The following CACNA2D3 variants were observed in gnomAD, a reference collection of about 807,000 sequenced individuals.
CACNA2D3 encodes voltage-dependent calcium channel subunit alpha-2/delta-3.
A neutral mutation model predicts 160.6 loss-of-function variants in CACNA2D3; 60 were observed. That is an observed-to-expected ratio of 0.37 (90% CI 0.30 to 0.46). The LOEUF (loss-of-function observed/expected upper bound fraction) is 0.46, where lower values mean the gene tolerates loss of function less well. CACNA2D3 is among the 20% of genes least tolerant of loss of function. The pLI is 1.00. For synonymous variants in CACNA2D3, 558 were observed against 492.9 expected, an observed-to-expected ratio of 1.13 and a Z score of -1.75; for missense variants, 1,205 against 1,365.0, an observed-to-expected ratio of 0.88 and a Z score of 1.85.
chr3:54,634,386 A>G (rs1211787380), intron 10 of CACNA2D3: 1 of 152,126 alleles, frequency 6.6e-6, no homozygotes, highest in Non-Finnish European at 1.5e-5. Flanking sequence ...CCCATTTCTT[A>G]TCCTTCTTTG....
intron 13 of CACNA2D3, among the ~76,000 whole-genome samples, chr3:54,771,948 GAGA>G (rs1173021041): frequency 6.6e-6 from 1 of 152,028 alleles, no homozygotes; most frequent in Non-Finnish European, 1.5e-5. Context: ...AAACTGTCAA[GAGA>G]AGGTTTTAGG....
At chr3:54,377,281 G>A (rs369356423) in intron 3 of CACNA2D3, among the ~76,000 whole-genome samples, 16 of 152,278 alleles carry the variant, frequency 1.1e-4, no homozygotes, top group African/African-American at 3.6e-4. Context: ...CTGAAAACCC[G>A]CCCTTAAGGA....
intron 4 of CACNA2D3, among the ~76,000 whole-genome samples, chr3:54,400,441 C>T (rs895257198): frequency 2.6e-5 from 4 of 152,070 alleles, no homozygotes; most frequent in African/African-American, 7.2e-5. Context: ...AGCACTGTTG[C>T]AGCTGCTTGA....
At chr3:54,787,429 G>A (rs1575475433) in intron 13 of CACNA2D3, among the ~76,000 whole-genome samples, 1 of 152,264 alleles carries the variant, frequency 6.6e-6, no homozygotes. Flanking sequence ...ACATGAAACT[G>A]GAAGGTAGCT....
intron 3 of CACNA2D3, among the ~76,000 whole-genome samples, chr3:54,338,467 C>CTCTG (rs996617901): frequency 7.3e-6 from 1 of 136,440 alleles, no homozygotes; most frequent in African/African-American, 2.8e-5. Flanking sequence ...TCTCCCCTCC[C>CTCTG]TGTGTGTGTG....
chr3:54,287,109 T>C (rs963281680), intron 2 of CACNA2D3, among the ~76,000 whole-genome samples: 1 of 151,720 alleles, frequency 6.6e-6, no homozygotes, highest in Non-Finnish European at 1.5e-5. Context: ...GACTAAATGC[T>C]CCAATTAAAA....
chr3:54,892,644 G>A (rs79213790), intron 25 of CACNA2D3, among the ~76,000 whole-genome samples: 18,600 of 152,070 alleles, frequency 0.12, 1,209 homozygotes, highest in Non-Finnish European at 0.14. Flanking sequence ...TCCAGAGGGC[G>A]AGTTCCTGGG....
At chr3:54,974,755 A>G (rs1170309543) in intron 29 of CACNA2D3, among the ~76,000 whole-genome samples, 1 of 152,152 alleles carries the variant, frequency 6.6e-6, no homozygotes, top group African/African-American at 2.4e-5. Flanking sequence ...ATGTTTTGCC[A>G]AAGGTAGTTG....
intron 13 of CACNA2D3, among the ~76,000 whole-genome samples, chr3:54,784,024 A>G (rs964822697): frequency 1.3e-5 from 2 of 152,232 alleles, no homozygotes; most frequent in African/African-American, 2.4e-5. Flanking sequence ...TTCATGATAC[A>G]CACAACTTCT....
At chr3:54,630,993 G>A (rs1031057886) in intron 10 of CACNA2D3, among the ~76,000 whole-genome samples, 3 of 152,126 alleles carry the variant, frequency 2.0e-5, no homozygotes, top group Non-Finnish European at 4.4e-5. Flanking sequence ...CCAGAGGTCC[G>A]GGGTTCGAGA....
chr3:54,667,905 T>C (rs562668), intron 11 of CACNA2D3, among the ~76,000 whole-genome samples: 123,075 of 151,198 alleles, frequency 0.81, 51,841 homozygotes, highest in Non-Finnish European at 0.93. Flanking sequence ...CGTAATTACG[T>C]GACTGCACTC....
chr3:54,888,890 A>C (rs1699992167), intron 24 of CACNA2D3, among the ~76,000 whole-genome samples: 1 of 152,218 alleles, frequency 6.6e-6, no homozygotes, highest in South Asian at 2.1e-4. Context: ...GAGAGAAACC[A>C]CACAGATAGA....
intron 24 of CACNA2D3, among the ~76,000 whole-genome samples, chr3:54,889,819 A>G (rs979758263): frequency 6.6e-6 from 1 of 152,192 alleles, no homozygotes; most frequent in Non-Finnish European, 1.5e-5. Context: ...TTCTTTCTCT[A>G]GTAAACCTTG....
chr3:54,186,393 G>A (rs1700879501), intron 2 of CACNA2D3, among the ~76,000 whole-genome samples: 1 of 152,158 alleles, frequency 6.6e-6, no homozygotes, highest in Admixed American at 6.5e-5. Flanking sequence ...TGCATCTTGG[G>A]TGAAGAAAGA....
In CACNA2D3 at chr3:54,885,330, A is replaced by G. The variant is rs1165486983; in HGVS notation, c.1958+4A>G. The G allele has an allele frequency of 6.2e-7, 1 of 1,613,916 alleles. No homozygotes were observed. The highest frequency in any genetic ancestry group is 8.5e-7 in the Non-Finnish European group (1 of 1,179,802). ...ATGTGTCCTTGGCAGATGAATGGTA[A>G]GAATTAAACCATCCCTCCTTGACCA... On this transcript the variant is annotated splice_donor_region_variant and intron_variant, in intron 22 of 37. Coordinates refer to ENST00000474759, the MANE Select transcript of CACNA2D3 (RefSeq NM_018398.3).
chr3:54,455,310 T>A (rs1700378079), intron 4 of CACNA2D3, among the ~76,000 whole-genome samples: 1 of 152,140 alleles, frequency 6.6e-6, no homozygotes, highest in African/African-American at 2.4e-5. Flanking sequence ...GATATTGTGG[T>A]TTTGATTTGT....
intron 3 of CACNA2D3, among the ~76,000 whole-genome samples, chr3:54,376,028 A>C (rs147476410): frequency 6.6e-6 from 1 of 152,158 alleles, no homozygotes; most frequent in East Asian, 1.9e-4. Flanking sequence ...TTTTTTCAGC[A>C]CTGCCACCAG....
chr3:54,887,616 A>C (rs887519122), intron 23 of CACNA2D3, among the ~76,000 whole-genome samples: 1 of 152,128 alleles, frequency 6.6e-6, no homozygotes, highest in South Asian at 2.1e-4. Flanking sequence ...ATGACAGCCA[A>C]GTGTTCAAGG....
At chr3:54,988,471 G>A (rs1430129176) in intron 31 of CACNA2D3, among the ~76,000 whole-genome samples, 1 of 152,202 alleles carries the variant, frequency 6.6e-6, no homozygotes, top group Non-Finnish European at 1.5e-5. Flanking sequence ...CCTCCCTGGG[G>A]GTCCATGCTG....
Sources: gnomAD v4.1 joint callset for allele counts (sites outside exome capture counted in the v4.1 genomes callset) on GRCh38, gnomAD v4.1.1 for gene constraint, MANE v1.5 for transcripts, NCBI Gene and HGNC (gene_info 2026-07-23, HGNC 2026-07-21) for gene names.